IVD: variants seen among roughly 807,000 people sequenced by gnomAD.
IVD encodes the protein isovaleryl-CoA dehydrogenase, also known as isovaleryl-CoA dehydrogenase, mitochondrial.
IVD carries 31 observed loss-of-function variants against 51.3 expected under a neutral mutation model. The observed-to-expected ratio is 0.60, with a 90% confidence interval of 0.45 to 0.81. The LOEUF is 0.81. IVD is among the 40% of genes least tolerant of loss of function. The pLI is 0.00. For synonymous variants in IVD, 205 were observed against 219.4 expected (o/e 0.93, Z 0.58); for missense variants, 475 against 552.0 (o/e 0.86, Z 1.40).
chr15:40,413,815 C>T (rs111758723), intron 7 of IVD, among the ~76,000 whole-genome samples: 3,839 of 151,950 alleles, frequency 0.025, 179 homozygotes, highest in African/African-American at 0.089. Flanking sequence ...CTCAGCCTCC[C>T]GAGTAGCTGG....
chr15:40,413,109 G>A, intron 7 of IVD, 22 bp downstream of exon 7: 1 of 1,587,240 alleles, frequency 6.3e-7, no homozygotes, highest in Non-Finnish European at 8.6e-7. Flanking sequence ...CGGGAATCGG[G>A]GAGCCCCTCT....
chr15:40,410,729 T>A lies in IVD; in HGVS notation c.388T>A (p.Ser130Thr). 1 of 1,614,156 alleles carries A rather than the reference T, an allele frequency of 6.2e-7. No homozygotes were observed. Among genetic ancestry groups the A allele is most frequent in the Non-Finnish European group, 8.5e-7 (1 of 1,180,030 alleles). ...GAVGLSYGAHSNLCINQLVRN... is the reference protein window; with the variant it reads ...GAVGLSYGAHTNLCINQLVRN... ...AGTGGGGCTCAGTTACGGTGCCCAC[T>A]CCAACCTCTGCATCAACCAGCTTGT... Residue 130 changes from serine to threonine, a missense_variant, in exon 4 of 12, where the codon TCC becomes ACC. By Grantham distance (58) the Ser-to-Thr change is moderately conservative. Transcript: ENST00000487418.
rs1349930101 is a variant in IVD, at chr15:40,413,034, G to A, written c.731G>A (p.Gly244Glu). 3 of 1,614,030 alleles carry A rather than the reference G, an allele frequency of 1.9e-6. No homozygotes were observed. The highest frequency in any genetic ancestry group is 1.7e-6 in the Non-Finnish European group (2 of 1,180,004). The change falls in exon 7 of 12, where the codon GGG becomes GAG. Residue 244 changes from glycine (G) to glutamate (E), a missense_variant. Gly to Glu is a moderately conservative substitution (Grantham distance 98). Coordinates refer to ENST00000487418, the MANE Select transcript of IVD (RefSeq NM_002225.5). Reference protein sequence around the residue: ...FSTSKKLDKLGMRGSNTCELI... With the variant: ...FSTSKKLDKLEMRGSNTCELI... ...ACCTCTAAGAAGCTGGACAAGCTGG[G>A]GATGAGGGGCTCTAACACCTGTGAG...
At chr15:40,430,238 A>G (rs1892894634) in intron 7 of IVD, among the ~76,000 whole-genome samples, 2 of 152,322 alleles carry the variant, frequency 1.3e-5, no homozygotes, top group Admixed American at 6.5e-5. Context: ...TATCATGTGC[A>G]GGTACCCTGT....
chr15:40,430,494 G>A (rs1892910941), intron 7 of IVD, among the ~76,000 whole-genome samples: 1 of 152,174 alleles, frequency 6.6e-6, no homozygotes, highest in Non-Finnish European at 1.5e-5. Context: ...GTCACGGAAG[G>A]GTTTAAGCAG....
chr15:40,430,659 G>A (rs1322955134), intron 7 of IVD, among the ~76,000 whole-genome samples: 1 of 152,196 alleles, frequency 6.6e-6, no homozygotes, highest in African/African-American at 2.4e-5. Context: ...TTAGCTATGG[G>A]TGGCGGCTTG....
In IVD at chr15:40,420,355, C is replaced by T. The variant is rs931376335; in HGVS notation, c.*2092C>T. 2.0e-6 allele frequency: 2 copies of T among 987,660 alleles called. No individual in the cohort carries two copies. Among genetic ancestry groups the T allele is most frequent in the South Asian group, 9.4e-5 (2 of 21,386 alleles). The allele number at this position is 987,660 out of a possible 1,614,324, so 61.2% of individuals were successfully genotyped here. ...GCTCGCATGACTCCAGCTGAGGCTG[C>T]CTGTGTACATTTCTCCAGATACCCT... On this transcript the variant is annotated 3_prime_UTR_variant, in exon 12 of 12. Coordinates refer to ENST00000487418, the MANE Select transcript of IVD (RefSeq NM_002225.5).
chr15:40,406,619 C>A (rs1475569031), intron 1 of IVD, among the ~76,000 whole-genome samples: 2 of 152,080 alleles, frequency 1.3e-5, no homozygotes, highest in Non-Finnish European at 2.9e-5. Context: ...CATAGCCAGA[C>A]CCCCATCTCA....
At chr15:40,431,716 T>C (rs1892987799) in intron 7 of IVD, among the ~76,000 whole-genome samples, 1 of 150,776 alleles carries the variant, frequency 6.6e-6, no homozygotes. Flanking sequence ...AAAGATTATG[T>C]GTAAAGAGCT....
chr15:40,435,786 C>G, downstream of IVD: 2 of 881,084 alleles, frequency 2.3e-6, no homozygotes, highest in Non-Finnish European at 2.7e-6. Context: ...CTATGGCAGC[C>G]TGCCCGAAGA....
At position 40,413,078 on chromosome 15, in the gene IVD, A is replaced by G; in HGVS notation, c.775A>G (p.Lys259Glu). 6.2e-7 allele frequency: 1 copy of G among 1,613,332 alleles called. No individual in the cohort carries two copies. Among genetic ancestry groups the G allele is most frequent in the South Asian group, 1.1e-5 (1 of 91,052 alleles). Residue 259 changes from lysine to glutamate, a missense_variant, in exon 7 of 12, where the codon AAG becomes GAG. Lys to Glu is a moderately conservative substitution (Grantham distance 56). Coordinates refer to ENST00000487418, the MANE Select transcript of IVD (RefSeq NM_002225.5). ...CTGTGAGCTAATCTTTGAAGACTGCAAGATTCCTGGTAAGTAGCACCGGGA... is the reference window on the plus strand; with the variant it reads ...CTGTGAGCTAATCTTTGAAGACTGCGAGATTCCTGGTAAGTAGCACCGGGA... ...NTCELIFEDCKIPAANILGHE... is the reference protein window; with the variant it reads ...NTCELIFEDCEIPAANILGHE...
At chr15:40,422,692 A>G (rs1400299765), downstream of IVD, among the ~76,000 whole-genome samples, 1 of 139,538 alleles carries the variant, frequency 7.2e-6, no homozygotes, top group Non-Finnish European at 1.5e-5. Context: ...CTCCACATCT[A>G]GGGTTCAAGC....
chr15:40,421,417 C>T (rs1318643104), downstream of IVD: 2 of 984,532 alleles, frequency 2.0e-6, no homozygotes, highest in Non-Finnish European at 2.4e-6. Context: ...CACCAGCTGC[C>T]AGCACTGCTC....
intron 7 of IVD, among the ~76,000 whole-genome samples, chr15:40,431,987 A>G (rs1893002992): frequency 7.0e-6 from 1 of 142,406 alleles, no homozygotes; most frequent in African/African-American, 2.6e-5. Flanking sequence ...TTTTTGAGAT[A>G]GATTCTCACT....
intron 7 of IVD, chr15:40,413,302 A>C: frequency 1.6e-6 from 1 of 611,568 alleles, no homozygotes; most frequent in Non-Finnish European, 3.0e-6. Flanking sequence ...CACACTCCGC[A>C]TAGGGTCTGT....
downstream of IVD, chr15:40,421,427 C>G (rs1014345505): frequency 1.0e-5 from 10 of 983,342 alleles, no homozygotes; most frequent in Middle Eastern, 5.2e-4. Context: ...CAGCACTGCT[C>G]CTTCCTGCGG....
At chr15:40,413,323 CGGA>C (rs1891287765) in intron 7 of IVD, 4 of 566,544 alleles carry the variant, frequency 7.1e-6, no homozygotes, top group Non-Finnish European at 1.3e-5. Flanking sequence ...ACTCAGTAGC[CGGA>C]GGAGAAGGGT....
chr15:40,427,679 A>G (rs941444438), downstream of IVD, among the ~76,000 whole-genome samples: 6 of 152,248 alleles, frequency 3.9e-5, no homozygotes, highest in Non-Finnish European at 7.3e-5. Context: ...GAAATTTACT[A>G]TAAGATAAAT....
chr15:40,420,709 C>G lies in IVD; in HGVS notation c.*2446C>G. Reference sequence around the variant, plus strand: ...GCTTATAGATTTCTGAAAACCGCCCCTTTGTTTTTAAAAAGATCAACACAA... The same window carrying G: ...GCTTATAGATTTCTGAAAACCGCCCGTTTGTTTTTAAAAAGATCAACACAA... On this transcript the variant is annotated 3_prime_UTR_variant, in exon 12 of 12. Coordinates refer to ENST00000487418, the MANE Select transcript of IVD (RefSeq NM_002225.5). 1 of 986,258 alleles carries G rather than the reference C, an allele frequency of 1.0e-6. No individual in the cohort carries two copies. Among genetic ancestry groups the G allele is most frequent in the Non-Finnish European group, 1.2e-6 (1 of 830,092 alleles). The allele number at this position is 986,258 out of a possible 1,614,324, so 61.1% of individuals were successfully genotyped here. A position where few individuals can be genotyped will look rare whatever the true frequency, so the allele number is the denominator to read the frequency against.
Sources: allele counts gnomAD v4.1 joint callset (sites outside exome capture counted in the v4.1 genomes callset), GRCh38; gene constraint gnomAD v4.1.1; transcripts MANE v1.5; gene names NCBI Gene and HGNC (gene_info 2026-07-23, HGNC 2026-07-21).